MON2: variants seen among roughly 807,000 people sequenced by gnomAD.
MON2 encodes the protein MON2 regulator of endosome-to-Golgi trafficking.
In MON2, 84 loss-of-function variants were observed where a neutral mutation model predicts 208.6. That is an observed-to-expected ratio of 0.40 (90% CI 0.34 to 0.48). The LOEUF (loss-of-function observed/expected upper bound fraction) is 0.48, where lower values mean the gene tolerates loss of function less well. Ranked by LOEUF, MON2 falls within the 20% of genes least tolerant of loss-of-function variation. The pLI, the probability that MON2 is intolerant of heterozygous loss-of-function variation, is 0.59. For missense variants in MON2, 1,611 were observed against 2,015.4 expected (o/e 0.80, Z 3.84); for synonymous variants, 660 against 694.0 (o/e 0.95, Z 0.77).
chr12:62,551,449 GCACCC>G (rs2073739816), intron 23 of MON2, among the ~76,000 whole-genome samples: 1 of 152,102 alleles, frequency 6.6e-6, no homozygotes, highest in Non-Finnish European at 1.5e-5. Flanking sequence ...TGCGGCTCAT[GCACCC>G]CAAAATAGTT....
At chr12:62,559,033 A>T (rs1426712093) in intron 25 of MON2, among the ~76,000 whole-genome samples, 1 of 152,154 alleles carries the variant, frequency 6.6e-6, no homozygotes, top group African/African-American at 2.4e-5. Flanking sequence ...GAGGGGAAAG[A>T]TGCATATAAC....
intron 19 of MON2, among the ~76,000 whole-genome samples, chr12:62,539,199 A>C (rs182891209): frequency 6.6e-6 from 1 of 152,318 alleles, no homozygotes; most frequent in African/African-American, 2.4e-5. Flanking sequence ...AATATGATTT[A>C]AAAGCTAAAA....
intron 32 of MON2, among the ~76,000 whole-genome samples, chr12:62,584,845 G>T (rs1024488115): frequency 1.1e-4 from 16 of 151,954 alleles, no homozygotes; most frequent in Admixed American, 6.6e-4. Context: ...TGCCGGACTG[G>T]AGCAGAGGTC....
intron 29 of MON2, among the ~76,000 whole-genome samples, chr12:62,566,938 G>T (rs1339135115): frequency 3.3e-5 from 5 of 152,156 alleles, no homozygotes; most frequent in African/African-American, 1.2e-4. Flanking sequence ...CAGTGAGGGG[G>T]TTTCTTAGGA....
In MON2 at chr12:62,501,629, A is replaced by G. The variant is rs755138227; in HGVS notation, c.720A>G (p.Glu240=). 2 of 1,614,132 alleles carry G rather than the reference A, an allele frequency of 1.2e-6. No homozygotes were observed. Among genetic ancestry groups the G allele is most frequent in the South Asian group, 2.2e-5 (2 of 91,082 alleles). Reference sequence around the variant, plus strand: ...CTTATTGGCTAGTGGGCATGACAGAAATGACTCGGACGTTTGGCCTCGAAT... The same window carrying G: ...CTTATTGGCTAGTGGGCATGACAGAGATGACTCGGACGTTTGGCCTCGAAT... ...DAPYWLVGMT[E]MTRTFGLELL... Residue 240 remains glutamate (E), a synonymous_variant, in exon 7 of 35, where the codon GAA becomes GAG. Coordinates refer to ENST00000393630, the MANE Select transcript of MON2 (RefSeq NM_015026.3).
At position 62,526,111 on chromosome 12, in the gene MON2, T is replaced by G. The variant is rs1565647344; in HGVS notation, c.1400+9T>G. 2 of 1,609,696 alleles carry G rather than the reference T, an allele frequency of 1.2e-6. No homozygotes were observed. Among genetic ancestry groups the G allele is most frequent in the African/African-American group, 2.7e-5 (2 of 74,774 alleles). ...AGTGCTAAAGCCACCTAGTAAGTAG[T>G]AGCAGCATTATTTTATAAGGAATGA... On this transcript the variant is annotated intron_variant, in intron 11 of 34. Coordinates refer to ENST00000393630, the MANE Select transcript of MON2 (RefSeq NM_015026.3).
rs141697165 is a variant in MON2 at position 62,537,870 on chromosome 12, G to A, written c.2118+164G>A. ...GGAAAAAGATGTGACTCATATTGTAGGAAGTGGTGGAATGCTTCTCATAAT... is the reference window on the plus strand; with the variant it reads ...GGAAAAAGATGTGACTCATATTGTAAGAAGTGGTGGAATGCTTCTCATAAT... On this transcript the variant is annotated intron_variant, in intron 16 of 34. Transcript: ENST00000393630. Among the ~76,000 whole-genome samples, 37 of 152,272 alleles carry A rather than the reference G, an allele frequency of 2.4e-4. No individual in the cohort carries two copies. The East Asian group carries it at 6.7e-3, about 28-fold the overall frequency.
intron 23 of MON2, 90 bp from the exon 24 acceptor site, chr12:62,552,791 C>G: frequency 5.3e-6 from 5 of 947,732 alleles, no homozygotes; most frequent in Non-Finnish European, 7.9e-6. Context: ...TAAAGTTTTA[C>G]TCTGAAAGGT....
intron 33 of MON2, among the ~76,000 whole-genome samples, chr12:62,587,637 G>A (rs2075260621): frequency 6.6e-6 from 1 of 151,912 alleles, no homozygotes. Flanking sequence ...CAGCTACTCG[G>A]GAGGCTAAGT....
At chr12:62,487,602 G>T (rs1304428241) in intron 2 of MON2, among the ~76,000 whole-genome samples, 1 of 151,764 alleles carries the variant, frequency 6.6e-6, no homozygotes, top group Non-Finnish European at 1.5e-5. Context: ...AAGTAGCAAT[G>T]AGTAAATATA....
At chr12:62,479,735 A>G (rs1048843188) in intron 1 of MON2, among the ~76,000 whole-genome samples, 5 of 152,162 alleles carry the variant, frequency 3.3e-5, no homozygotes, top group African/African-American at 9.7e-5. Flanking sequence ...ACCTTAACCT[A>G]TATCATTTCT....
At chr12:62,587,652 G>A (rs1303106635) in intron 33 of MON2, among the ~76,000 whole-genome samples, 1 of 151,972 alleles carries the variant, frequency 6.6e-6, no homozygotes, top group Non-Finnish European at 1.5e-5. Context: ...CTAAGTGGGA[G>A]GATCACTTGA....
intron 22 of MON2, among the ~76,000 whole-genome samples, chr12:62,547,964 C>T (rs2073570081): frequency 6.6e-6 from 1 of 152,112 alleles, no homozygotes; most frequent in South Asian, 2.1e-4. Context: ...CAGATCATAT[C>T]CTCATCAGTA....
At position 62,563,047 on chromosome 12, in the gene MON2, T is replaced by A. The variant is rs115135976; in HGVS notation, c.4032+1934T>A. Among the ~76,000 whole-genome samples, 1,479 of 152,286 alleles carry A rather than the reference T, an allele frequency of 9.7e-3. 27 individuals are homozygous for A. The highest frequency in any genetic ancestry group is 0.034 in the African/African-American group (1,408 of 41,552). On this transcript the variant is annotated intron_variant, in intron 26 of 34. Coordinates refer to ENST00000393630, the MANE Select transcript of MON2 (RefSeq NM_015026.3). ...CATCTGTCTTATTTTTTGCTAAACT[T>A]CTTAGTCAGATGGCTGGATACCATA...
chr12:62,559,124 A>G lies in MON2; in HGVS notation c.3410-1367A>G, dbSNP rs553175554. Among the ~76,000 whole-genome samples the G allele has an allele frequency of 2.6e-5, 4 of 152,306 alleles. No homozygotes were observed. In the South Asian group the frequency reaches 8.3e-4, roughly 32 times the overall value. ...CAGACCTACTTCAAGCTTTTCTATT[A>G]ACCGACTGCTTTCCCAGGAATTTGG... On this transcript the variant is annotated intron_variant, in intron 25 of 34. Transcript: ENST00000393630.
At chr12:62,517,326 T>C (rs141574582) in intron 8 of MON2, among the ~76,000 whole-genome samples, 1 of 152,312 alleles carries the variant, frequency 6.6e-6, no homozygotes, top group African/African-American at 2.4e-5. Flanking sequence ...TAGTAACAAA[T>C]GCAAAATTCA....
At chr12:62,567,297 A>G (rs999057045) in intron 29 of MON2, among the ~76,000 whole-genome samples, 7 of 152,120 alleles carry the variant, frequency 4.6e-5, no homozygotes, top group African/African-American at 1.7e-4. Flanking sequence ...CAGCCATCTC[A>G]TACAAGGATT....
chr12:62,484,915 C>T (rs2069669525), intron 2 of MON2: 4 of 132,548 alleles, frequency 3.0e-5, no homozygotes, highest in South Asian at 4.9e-4. Context: ...GGTAAACTGG[C>T]TTTTTTTTTT....
At position 62,502,538 on chromosome 12, in the gene MON2, A is replaced by C. The variant is rs150881736; in HGVS notation, c.789+840A>C. ...TTTTGGAATTTTAATAATAGAAAGA[A>C]TCTCTAGAGACAATCTATTAATAGT... On this transcript the variant is annotated intron_variant, in intron 7 of 34. Coordinates refer to ENST00000393630, the MANE Select transcript of MON2 (RefSeq NM_015026.3). 4.3e-3 allele frequency among the ~76,000 whole-genome samples: 654 copies of C among 152,286 alleles called. 7 individuals are homozygous for C. The highest frequency in any genetic ancestry group is 0.015 in the African/African-American group (621 of 41,534).
Sources: gnomAD v4.1 joint callset for allele counts (sites outside exome capture counted in the v4.1 genomes callset) on GRCh38, gnomAD v4.1.1 for gene constraint, MANE v1.5 for transcripts, NCBI Gene and HGNC (gene_info 2026-07-23, HGNC 2026-07-21) for gene names.